Variants in C17orf78 observed in about 807,000 individuals in gnomAD.
C17orf78 encodes chromosome 17 open reading frame 78.
A neutral mutation model predicts 31.8 loss-of-function variants in C17orf78; 27 were observed. That is an observed-to-expected ratio of 0.85 (90% CI 0.63 to 1.17). C17orf78 has a LOEUF of 1.17. Ranked by LOEUF, C17orf78 falls within the 50% of genes most tolerant of loss-of-function variation. The pLI is 0.00. For missense variants in C17orf78, 258 were observed against 315.2 expected, an observed-to-expected ratio of 0.82 and a Z score of 1.37; for synonymous variants, 106 against 115.1, an observed-to-expected ratio of 0.92 and a Z score of 0.51.
intron 3 of C17orf78, 115 bp downstream of exon 3, chr17:37,379,497 T>C: frequency 7.6e-7 from 1 of 1,324,226 alleles, no homozygotes; most frequent in Non-Finnish European, 1.0e-6. Flanking sequence ...CACTTTTTGA[T>C]GGGGTTGTTT....
intron 3 of C17orf78, among the ~76,000 whole-genome samples, chr17:37,380,707 C>T (rs1373484309): frequency 6.6e-6 from 1 of 152,026 alleles, no homozygotes; most frequent in East Asian, 1.9e-4. Flanking sequence ...AAGTGATTCT[C>T]CTGCCTCAGC....
chr17:37,390,320 A>ATC lies in C17orf78; in HGVS notation c.750+959_750+960insCT, dbSNP rs1429328377. Among the ~76,000 whole-genome samples the ATC allele has an allele frequency of 1.1e-3, 51 of 47,950 alleles. 6 individuals carry two copies. Among genetic ancestry groups the ATC allele is most frequent in the East Asian group, 6.6e-3 (8 of 1,214 alleles). 31.5% of individuals were successfully genotyped at this position (47,950 alleles called of 152,430 possible). A position where few individuals can be genotyped will look rare whatever the true frequency, so the allele number is the denominator to read the frequency against. On this transcript the variant is annotated intron_variant, in intron 6 of 6. Coordinates refer to ENST00000615133, the MANE Select transcript of C17orf78 (RefSeq NM_173625.5). ...TATACATAATTATATATATATATAT[A>ATC]TATATATATATATAAAAGGCCAGCT...
chr17:37,376,227 G>C, intron 1 of C17orf78, 77 bp downstream of exon 1: 1 of 1,226,048 alleles, frequency 8.2e-7, no homozygotes, highest in South Asian at 1.2e-5. Context: ...TCTTCCACCA[G>C]ATAGAGATGT....
At chr17:37,388,911 A>G in intron 5 of C17orf78, 117 bp downstream of exon 5, 1 of 1,300,384 alleles carries the variant, frequency 7.7e-7, no homozygotes. Flanking sequence ...GAGATGTGCC[A>G]CTCACACTCA....
At chr17:37,388,519 C>T (rs1022550704) in intron 4 of C17orf78, 151 bp from the exon 5 acceptor site, 50 of 884,584 alleles carry the variant, frequency 5.7e-5, no homozygotes, top group Non-Finnish European at 7.8e-5. Context: ...CCCTCCAGCC[C>T]TGAGTTTGAA....
At chr17:37,377,594 A>G (rs1340590324) in intron 1 of C17orf78, among the ~76,000 whole-genome samples, 1 of 152,020 alleles carries the variant, frequency 6.6e-6, no homozygotes, top group Non-Finnish European at 1.5e-5. Flanking sequence ...CAGGAGGTGA[A>G]TGTTGCAATG....
chr17:37,382,123 A>G (rs1031380941), intron 3 of C17orf78, among the ~76,000 whole-genome samples: 1 of 152,098 alleles, frequency 6.6e-6, no homozygotes, highest in African/African-American at 2.4e-5. Flanking sequence ...CCTGCAATTT[A>G]TCAATAAGAT....
rs2050782103 is a variant in C17orf78 at position 37,390,293 on chromosome 17, AT to A, written c.750+933del. 1.7e-4 allele frequency among the ~76,000 whole-genome samples: 6 copies of A among 35,888 alleles called. No individual in the cohort carries two copies. In the South Asian group the frequency reaches 4.1e-3, roughly 24 times the overall value. 23.5% of individuals were successfully genotyped at this position (35,888 alleles called of 152,430 possible). A position where few individuals can be genotyped will look rare whatever the true frequency, so the allele number is the denominator to read the frequency against. ...TATAATATATTATATATAATTATAT[AT>A]TATACATAATTATATATATATATAT... On this transcript the variant is annotated intron_variant, in intron 6 of 6. Transcript: ENST00000615133.
At chr17:37,376,549 A>C (rs1025351809) in intron 1 of C17orf78, among the ~76,000 whole-genome samples, 5 of 152,076 alleles carry the variant, frequency 3.3e-5, no homozygotes, top group African/African-American at 4.8e-5. Flanking sequence ...TTGGGTGGGG[A>C]GAGCTGAGGG....
chr17:37,389,023 G>A (rs1039620060), intron 5 of C17orf78, among the ~76,000 whole-genome samples: 1 of 152,190 alleles, frequency 6.6e-6, no homozygotes, highest in Non-Finnish European at 1.5e-5. Context: ...TAGTTATAAA[G>A]ATTGAGATTC....
intron 1 of C17orf78, among the ~76,000 whole-genome samples, chr17:37,377,439 C>A (rs560434106): frequency 3.3e-5 from 5 of 151,966 alleles, no homozygotes; most frequent in Admixed American, 1.3e-4. Context: ...GCAGGTGGAT[C>A]ACCTGAAGTA....
intron 3 of C17orf78, among the ~76,000 whole-genome samples, chr17:37,385,464 C>A (rs1208788967): frequency 6.6e-6 from 1 of 151,652 alleles, no homozygotes; most frequent in African/African-American, 2.4e-5. Flanking sequence ...CAGAGGGGGA[C>A]CCTGTCTTAA....
At chr17:37,379,029 G>A (rs2050128573) in intron 2 of C17orf78, 108 bp from the exon 3 acceptor site, 16 of 1,322,552 alleles carry the variant, frequency 1.2e-5, no homozygotes, top group South Asian at 3.1e-5. Flanking sequence ...CCATGATTGC[G>A]ACACTGCACT....
At chr17:37,381,125 C>T (rs943123475) in intron 3 of C17orf78, among the ~76,000 whole-genome samples, 1 of 151,954 alleles carries the variant, frequency 6.6e-6, no homozygotes, top group Non-Finnish European at 1.5e-5. Flanking sequence ...ACCATATACA[C>T]TGTTCTGCCC....
At chr17:37,382,357 G>GT (rs569313234) in intron 3 of C17orf78, among the ~76,000 whole-genome samples, 400 of 145,370 alleles carry the variant, frequency 2.8e-3, no homozygotes, top group African/African-American at 4.4e-3. Flanking sequence ...TTTTCATATA[G>GT]TTTTTTTTTT....
At chr17:37,376,321 CAG>C (rs2050000828) in intron 1 of C17orf78, among the ~76,000 whole-genome samples, 171 bp downstream of exon 1, 1 of 152,174 alleles carries the variant, frequency 6.6e-6, no homozygotes, top group African/African-American at 2.4e-5. Context: ...TTATTCATTC[CAG>C]AGAGATAGCT....
chr17:37,381,750 C>G (rs1360611322), intron 3 of C17orf78, among the ~76,000 whole-genome samples: 2 of 151,110 alleles, frequency 1.3e-5, no homozygotes, highest in Non-Finnish European at 2.9e-5. Context: ...GCCTCAGCCT[C>G]CCGAGTAGCT....
chr17:37,377,698 T>C (rs188241893), intron 1 of C17orf78, among the ~76,000 whole-genome samples, 181 bp from the exon 2 acceptor site: 84 of 139,454 alleles, frequency 6.0e-4, no homozygotes, highest in African/African-American at 2.2e-3. Flanking sequence ...AATAAATAAA[T>C]AAATAAAAGT....
rs60788220 is a variant in C17orf78, at chr17:37,390,175, T to TATATATATACACACACAC, written c.750+814_750+815insTATATATACACACACACA. 4.0e-4 allele frequency among the ~76,000 whole-genome samples: 18 copies of TATATATATACACACACAC among 44,484 alleles called. 1 individual carries two copies. The highest frequency in any genetic ancestry group is 2.0e-3 in the African/African-American group (17 of 8,558). The allele number at this position is 44,484 out of a possible 152,430, so 29.2% of individuals were successfully genotyped here. A position where few individuals can be genotyped will look rare whatever the true frequency, so the allele number is the denominator to read the frequency against. On this transcript the variant is annotated intron_variant, in intron 6 of 6. Coordinates refer to ENST00000615133, the MANE Select transcript of C17orf78 (RefSeq NM_173625.5). The stretch of plus-strand genomic sequence containing the variant: ...ATATATATATATATATATATATATA[T>TATATATATACACACACAC]ACACACACACATTATATATAAATAT...
Sources: gnomAD v4.1 joint callset for allele counts (sites outside exome capture counted in the v4.1 genomes callset) on GRCh38, gnomAD v4.1.1 for gene constraint, MANE v1.5 for transcripts, NCBI Gene and HGNC (gene_info 2026-07-23, HGNC 2026-07-21) for gene names.